SEMA3C: variants seen among roughly 807,000 people sequenced by gnomAD.
SEMA3C encodes the protein semaphorin-3C.
SEMA3C carries 47 observed loss-of-function variants against 89.4 expected under a neutral mutation model. The ratio of observed to expected loss-of-function variants is 0.53; its 90% CI spans 0.42 to 0.67. The LOEUF (loss-of-function observed/expected upper bound fraction) is 0.67, where lower values mean the gene tolerates loss of function less well. Among genes scored for constraint, SEMA3C ranks in the 30% least tolerant of loss-of-function variants. The pLI, the probability that SEMA3C is intolerant of heterozygous loss-of-function variation, is 0.00. For synonymous variants in SEMA3C, 310 were observed against 320.2 expected, an observed-to-expected ratio of 0.97 and a Z score of 0.34; for missense variants, 839 against 929.1, an observed-to-expected ratio of 0.90 and a Z score of 1.26.
intron 2 of SEMA3C, among the ~76,000 whole-genome samples, chr7:80,876,969 G>A (rs1286197131): frequency 6.6e-6 from 1 of 152,202 alleles, no homozygotes; most frequent in Non-Finnish European, 1.5e-5. Flanking sequence ...GGACCCAAGA[G>A]ATTCCAATAA....
chr7:80,829,365 A>G (rs533490942), intron 2 of SEMA3C, among the ~76,000 whole-genome samples: 1 of 152,294 alleles, frequency 6.6e-6, no homozygotes, highest in East Asian at 1.9e-4. Flanking sequence ...CAAAAAAAAT[A>G]CAGTGAGCAG....
At chr7:80,819,545 T>C (rs900295113) in intron 4 of SEMA3C, among the ~76,000 whole-genome samples, 4 of 152,110 alleles carry the variant, frequency 2.6e-5, no homozygotes, top group African/African-American at 9.7e-5. Flanking sequence ...AATTGGCAAA[T>C]AAAACTAATC....
At chr7:80,760,651 G>C (rs115480262) in intron 14 of SEMA3C, among the ~76,000 whole-genome samples, 1 of 152,096 alleles carries the variant, frequency 6.6e-6, no homozygotes, top group Non-Finnish European at 1.5e-5. Context: ...TCATGTAATC[G>C]GTTGTGCTAA....
At chr7:80,879,542 C>T (rs778398597) in intron 2 of SEMA3C, among the ~76,000 whole-genome samples, 30 of 152,124 alleles carry the variant, frequency 2.0e-4, no homozygotes, top group Admixed American at 4.6e-4. Context: ...TTCTGTGAAA[C>T]CCTCCCTTCA....
intron 2 of SEMA3C, among the ~76,000 whole-genome samples, chr7:80,872,931 A>G (rs988389227): frequency 5.3e-5 from 8 of 151,082 alleles, no homozygotes; most frequent in Admixed American, 1.3e-4. Context: ...GTGAAAAAAA[A>G]AAAAAAAAAA....
At chr7:80,908,371 T>G (rs1365596790) in intron 2 of SEMA3C, among the ~76,000 whole-genome samples, 1 of 152,162 alleles carries the variant, frequency 6.6e-6, no homozygotes, top group African/African-American at 2.4e-5. Flanking sequence ...TTATGTCTAT[T>G]TACAAAAGAG....
chr7:80,804,091 A>G lies in SEMA3C; in HGVS notation c.801+15T>C, dbSNP rs1381442804. ...TCTTGGTCTTTCTTCAAATCGGAAC[A>G]GCATTAATACTTACAGGACATATTC... is the stretch of plus-strand genomic sequence containing the variant. On this transcript the variant is annotated intron_variant, in intron 8 of 17. Transcript: ENST00000265361. 1.9e-6 allele frequency: 3 copies of G among 1,580,546 alleles called. No individual in the cohort carries two copies. The highest frequency in any genetic ancestry group is 1.4e-5 in the African/African-American group (1 of 73,670).
intron 2 of SEMA3C, among the ~76,000 whole-genome samples, chr7:80,836,157 T>A (rs1303625310): frequency 6.6e-6 from 1 of 152,086 alleles, no homozygotes; most frequent in Non-Finnish European, 1.5e-5. Flanking sequence ...ACTATCAACA[T>A]CTCAGTGATG....
intron 4 of SEMA3C, among the ~76,000 whole-genome samples, chr7:80,821,446 G>A (rs1014303542): frequency 6.6e-6 from 1 of 152,124 alleles, no homozygotes; most frequent in Non-Finnish European, 1.5e-5. Flanking sequence ...GGGCGACAGA[G>A]TGTCGCTCTG....
At chr7:80,853,505 T>A (rs1417948128) in intron 2 of SEMA3C, among the ~76,000 whole-genome samples, 1 of 152,182 alleles carries the variant, frequency 6.6e-6, no homozygotes, top group Non-Finnish European at 1.5e-5. Flanking sequence ...TCAACTTAAA[T>A]TAACCAGGCA....
upstream of SEMA3C, among the ~76,000 whole-genome samples, chr7:80,920,798 A>G (rs1792393904): frequency 6.6e-6 from 1 of 152,258 alleles, no homozygotes; most frequent in Non-Finnish European, 1.5e-5. Context: ...GTCAATGTGA[A>G]TAAGCACTGT....
intron 2 of SEMA3C, among the ~76,000 whole-genome samples, chr7:80,851,112 C>T (rs1220095365): frequency 6.6e-6 from 1 of 152,154 alleles, no homozygotes; most frequent in Non-Finnish European, 1.5e-5. Context: ...TTGATAAGTA[C>T]ACTTGTGATT....
chr7:80,748,250 T>C (rs1386527681), intron 17 of SEMA3C, among the ~76,000 whole-genome samples: 1 of 152,176 alleles, frequency 6.6e-6, no homozygotes, highest in Non-Finnish European at 1.5e-5. Flanking sequence ...GGTATCACCC[T>C]ATGTCATTTT....
At position 80,818,280 on chromosome 7, in the gene SEMA3C, G is replaced by T. The variant is rs1214692553; in HGVS notation, c.447+19C>A. ...TGACACTAATATCAAAACTAAGAAT[G>T]TTAAATAGTTATACTTACCTCTGAT... On this transcript the variant is annotated intron_variant, in intron 5 of 17. Coordinates refer to ENST00000265361, the MANE Select transcript of SEMA3C (RefSeq NM_006379.5). 6.4e-7 allele frequency: 1 copy of T among 1,569,020 alleles called. No individual in the cohort carries two copies. Among genetic ancestry groups the T allele is most frequent in the African/African-American group, 1.3e-5 (1 of 74,224 alleles).
At chr7:80,864,131 G>T (rs756228835) in intron 2 of SEMA3C, among the ~76,000 whole-genome samples, 35 of 152,024 alleles carry the variant, frequency 2.3e-4, no homozygotes, top group Non-Finnish European at 5.0e-4. Context: ...TCTAAGTGAA[G>T]TAACACAGGA....
At chr7:80,776,133 A>G (rs1788544312) in intron 12 of SEMA3C, among the ~76,000 whole-genome samples, 1 of 152,130 alleles carries the variant, frequency 6.6e-6, no homozygotes. Context: ...GTTCCCTCAC[A>G]TGCTGAACAC....
intron 2 of SEMA3C, among the ~76,000 whole-genome samples, chr7:80,895,321 C>A (rs1385409339): frequency 1.3e-5 from 2 of 152,118 alleles, no homozygotes; most frequent in South Asian, 2.1e-4. Context: ...TGGAAGCCAG[C>A]CGACTACCAC....
intron 12 of SEMA3C, among the ~76,000 whole-genome samples, chr7:80,774,209 G>A (rs886667709): frequency 6.6e-6 from 1 of 152,098 alleles, no homozygotes; most frequent in Non-Finnish European, 1.5e-5. Context: ...TAATAATAAA[G>A]TGCTTGCTAT....
intron 2 of SEMA3C, among the ~76,000 whole-genome samples, chr7:80,842,968 G>A (rs1165063810): frequency 3.1e-4 from 47 of 152,054 alleles, no homozygotes; most frequent in Non-Finnish European, 1.8e-4. Context: ...TCACATCCAG[G>A]TGTAAAATTA....
Sources: gnomAD v4.1 joint callset for allele counts (sites outside exome capture counted in the v4.1 genomes callset) on GRCh38, gnomAD v4.1.1 for gene constraint, MANE v1.5 for transcripts, NCBI Gene and HGNC (gene_info 2026-07-23, HGNC 2026-07-21) for gene names.